CTNNAL1: variants seen among roughly 807,000 people sequenced by gnomAD.
CTNNAL1 encodes catenin alpha like 1.
In CTNNAL1, 69 loss-of-function variants were observed where a neutral mutation model predicts 93.6. The observed-to-expected ratio is 0.74, with a 90% CI of 0.61 to 0.90. The LOEUF (loss-of-function observed/expected upper bound fraction) is 0.90. Ranked by LOEUF, CTNNAL1 falls within the 40% of genes least tolerant of loss-of-function variation. CTNNAL1 has a pLI of 0.00. For missense variants in CTNNAL1, 836 were observed against 862.0 expected, an observed-to-expected ratio of 0.97 and a Z score of 0.38; for synonymous variants, 286 against 305.4, an observed-to-expected ratio of 0.94 and a Z score of 0.66.
chr9:108,986,449 C>T (rs904927140), intron 4 of CTNNAL1, among the ~76,000 whole-genome samples: 1 of 151,330 alleles, frequency 6.6e-6, no homozygotes, highest in Non-Finnish European at 1.5e-5. Flanking sequence ...TGGGTTGGTT[C>T]CAAGTCTTTG....
intron 14 of CTNNAL1, among the ~76,000 whole-genome samples, chr9:108,950,037 A>C (rs940158836): frequency 1.3e-5 from 2 of 151,910 alleles, no homozygotes; most frequent in African/African-American, 4.8e-5. Flanking sequence ...AAAAAAAAAA[A>C]AAAAACCAGG....
chr9:108,954,957 T>A (rs1250704896), intron 12 of CTNNAL1, among the ~76,000 whole-genome samples: 2 of 142,926 alleles, frequency 1.4e-5, no homozygotes, highest in African/African-American at 5.0e-5. Context: ...TTGATAATCA[T>A]CAGTAATTTT....
chr9:108,947,759 T>C (rs1277106519), intron 15 of CTNNAL1, among the ~76,000 whole-genome samples: 34 of 152,200 alleles, frequency 2.2e-4, no homozygotes, highest in Admixed American at 2.2e-3. Flanking sequence ...CTTAATACCC[T>C]CTAATAGTCT....
chr9:108,948,066 T>A (rs1019408894), intron 15 of CTNNAL1, 120 bp downstream of exon 15: 2 of 1,157,192 alleles, frequency 1.7e-6, no homozygotes, highest in African/African-American at 3.2e-5. Flanking sequence ...CTCTCTGTAA[T>A]ACACAGGTAG....
Position 108,942,661 on chromosome 9 carries a change from GTTTTC to G in CTNNAL1, c.*103_*107del. ...GAAAATAGAGCAAAATTTCAATATT[GTTTTC>G]TTTATAAAATTGATGAATTTCTGAA... On this transcript the variant is annotated 3_prime_UTR_variant, in exon 19 of 19. Coordinates refer to ENST00000325551, the MANE Select transcript of CTNNAL1 (RefSeq NM_003798.4). The G allele has an allele frequency of 1.2e-6, 1 of 808,260 alleles. No homozygotes were observed. Among genetic ancestry groups the G allele is most frequent in the African/African-American group, 1.7e-5 (1 of 57,184 alleles). 50.1% of individuals were successfully genotyped at this position (808,260 alleles called of 1,614,324 possible).
chr9:108,983,930 G>T (rs1375657354), intron 5 of CTNNAL1, among the ~76,000 whole-genome samples: 1 of 152,238 alleles, frequency 6.6e-6, no homozygotes, highest in Non-Finnish European at 1.5e-5. Context: ...GTTAAAAGTG[G>T]AAACAGGAAT....
In CTNNAL1 at chr9:108,970,483, C is replaced by T. The variant is rs768398815; in HGVS notation, c.1359G>A (p.Leu453=). The change falls in exon 10 of 19, where the codon TTG becomes TTA. Residue 453 remains leucine (L), a synonymous_variant. Coordinates refer to ENST00000325551, the MANE Select transcript of CTNNAL1 (RefSeq NM_003798.4). ...QKEQLVETCR[L]LRHISGTEPL... ...GTTCTGTCCCAGATATGTGTCGTAA[C>T]AATCGACAGGTCTACAAGACAATAT... The T allele has an allele frequency of 1.9e-6, 3 of 1,611,194 alleles. No homozygotes were observed. Among genetic ancestry groups the T allele is most frequent in the Middle Eastern group, 1.7e-4 (1 of 6,052 alleles).
At chr9:109,006,692 T>A (rs1393274621) in intron 1 of CTNNAL1, among the ~76,000 whole-genome samples, 1 of 152,054 alleles carries the variant, frequency 6.6e-6, no homozygotes, top group Non-Finnish European at 1.5e-5. Flanking sequence ...AGAAAGAAGA[T>A]CTGGTGTACT....
At position 109,013,317 on chromosome 9, in the gene CTNNAL1, G is replaced by A; in HGVS notation, c.126C>T (p.Leu42=). 1 of 1,511,526 alleles carries A rather than the reference G, an allele frequency of 6.6e-7. No homozygotes were observed. Among genetic ancestry groups the A allele is most frequent in the Non-Finnish European group, 8.9e-7 (1 of 1,129,392 alleles). The allele number at this position is 1,511,526 out of a possible 1,614,324, so 93.6% of individuals were successfully genotyped here. A position where few individuals can be genotyped will look rare whatever the true frequency, so the allele number is the denominator to read the frequency against. ...GCCACTTTACCTGAGAAACCAGCGG[G>A]AGTAGCGTCTGCTCCACCGAGCGAG... ...IKTRSVEQTL[L]PLVSQITTLI... Residue 42 remains leucine (L), a synonymous_variant, in exon 1 of 19, where the codon CTC becomes CTT. Coordinates refer to ENST00000325551, the MANE Select transcript of CTNNAL1 (RefSeq NM_003798.4).
chr9:109,004,592 C>T (rs1385825639), intron 1 of CTNNAL1, among the ~76,000 whole-genome samples: 1 of 152,114 alleles, frequency 6.6e-6, no homozygotes, highest in Non-Finnish European at 1.5e-5. Context: ...TTGAGACCAG[C>T]TTGGCCAACA....
chr9:108,981,933 A>G (rs1413498318), intron 6 of CTNNAL1, among the ~76,000 whole-genome samples: 1 of 152,202 alleles, frequency 6.6e-6, no homozygotes, highest in Non-Finnish European at 1.5e-5. Context: ...CTCAAAAATA[A>G]ATAAATAAAA....
At chr9:109,004,631 C>T (rs1046641506) in intron 1 of CTNNAL1, among the ~76,000 whole-genome samples, 4 of 151,944 alleles carry the variant, frequency 2.6e-5, no homozygotes, top group African/African-American at 9.7e-5. Flanking sequence ...ACTAGAAGTA[C>T]AAAAATTAGC....
chr9:108,978,756 A>G (rs766016728), intron 7 of CTNNAL1, among the ~76,000 whole-genome samples: 12 of 152,180 alleles, frequency 7.9e-5, no homozygotes, highest in Non-Finnish European at 1.3e-4. Context: ...GAATTTGTGC[A>G]AGGGTGAAAA....
At position 109,013,338 on chromosome 9, in the gene CTNNAL1, G is replaced by A. The variant is rs1043668595; in HGVS notation, c.105C>T (p.Arg35=). 6.6e-7 allele frequency: 1 copy of A among 1,515,764 alleles called. No individual in the cohort carries two copies. The highest frequency in any genetic ancestry group is 2.1e-5 in the Admixed American group (1 of 46,616). 93.9% of individuals were successfully genotyped at this position (1,515,764 alleles called of 1,614,324 possible). A position where few individuals can be genotyped will look rare whatever the true frequency, so the allele number is the denominator to read the frequency against. Residue 35 remains arginine, a synonymous_variant, in exon 1 of 19, where the codon CGC becomes CGT. Transcript: ENST00000325551. The stretch of plus-strand genomic sequence containing the variant: ...GCGGGAGTAGCGTCTGCTCCACCGA[G>A]CGAGTTTTGATCTCCAGTCCCGAGT... ...ALDSGLEIKT[R]SVEQTLLPLV... is the part of the protein sequence containing the mutation.
At chr9:108,961,941 G>A (rs940749322) in intron 11 of CTNNAL1, among the ~76,000 whole-genome samples, 3 of 152,200 alleles carry the variant, frequency 2.0e-5, no homozygotes, top group African/African-American at 4.8e-5. Context: ...AGGGAAAAAA[G>A]CAGAACTCAG....
rs753206255 is a variant in CTNNAL1, at chr9:108,943,036, C to CCTACAATGTAT, written c.2063_2064insATACATTGTAG (p.Cys689TyrfsTer12). On this transcript the variant is annotated frameshift_variant, in exon 18 of 19. Coordinates refer to ENST00000325551, the MANE Select transcript of CTNNAL1 (RefSeq NM_003798.4). LOFTEE classifies it high-confidence loss of function. ...TCATGGATCTTGTCTTCGTAATACA[C>CCTACAATGTAT]TTGTCAACCTACAATGACAAAAAGC... 1.2e-6 allele frequency: 2 copies of CCTACAATGTAT among 1,610,120 alleles called. No individual in the cohort carries two copies. Among genetic ancestry groups the CCTACAATGTAT allele is most frequent in the Non-Finnish European group, 1.7e-6 (2 of 1,178,918 alleles).
chr9:108,965,261 A>G (rs1830922341), intron 11 of CTNNAL1, 117 bp downstream of exon 11: 1 of 854,698 alleles, frequency 1.2e-6, no homozygotes, highest in Admixed American at 3.1e-5. Flanking sequence ...TTTTACTACA[A>G]AAATAACCCA....
At chr9:108,947,466 T>C (rs951315318) in intron 15 of CTNNAL1, among the ~76,000 whole-genome samples, 4 of 152,226 alleles carry the variant, frequency 2.6e-5, no homozygotes, top group African/African-American at 7.2e-5. Flanking sequence ...CAAAGGAGAC[T>C]ATATGAGTGA....
chr9:108,983,658 T>C (rs1255592650), intron 5 of CTNNAL1, among the ~76,000 whole-genome samples: 1 of 152,198 alleles, frequency 6.6e-6, no homozygotes. Flanking sequence ...AAAAATGAGA[T>C]GATATATGAT....
Sources: gnomAD v4.1 joint callset for allele counts (sites outside exome capture counted in the v4.1 genomes callset) on GRCh38, gnomAD v4.1.1 for gene constraint, MANE v1.5 for transcripts, NCBI Gene and HGNC (gene_info 2026-07-23, HGNC 2026-07-21) for gene names.